The following ARHGAP26 variants were observed in gnomAD, a reference collection of about 807,000 sequenced individuals.
ARHGAP26 encodes the protein Rho GTPase activating protein 26.
A neutral mutation model predicts 104.8 loss-of-function variants in ARHGAP26; 38 were observed. The observed-to-expected ratio is 0.36, with a 90% CI of 0.28 to 0.48. The LOEUF is 0.48. Among genes scored for constraint, ARHGAP26 ranks in the 20% least tolerant of loss-of-function variants. The pLI is 0.99. For synonymous variants in ARHGAP26, 341 were observed against 340.0 expected (o/e 1.00, Z -0.03); for missense variants, 704 against 947.9 (o/e 0.74, Z 3.38).
chr5:143,139,211 A>C (rs1348052949), intron 19 of ARHGAP26, among the ~76,000 whole-genome samples: 1 of 152,210 alleles, frequency 6.6e-6, no homozygotes, highest in Non-Finnish European at 1.5e-5. Context: ...ATAACAATAA[A>C]AATAAAAATA....
chr5:142,941,074 CAAAAA>C (rs1162903888), intron 11 of ARHGAP26, among the ~76,000 whole-genome samples: 2 of 27,244 alleles, frequency 7.3e-5, no homozygotes, highest in African/African-American at 1.6e-4. Context: ...GACTCCATCT[CAAAAA>C]AAAAAAAAAA....
chr5:142,923,914 T>C (rs1393609311), intron 10 of ARHGAP26, among the ~76,000 whole-genome samples: 1 of 137,656 alleles, frequency 7.3e-6, no homozygotes, highest in Non-Finnish European at 1.5e-5. Context: ...CAGGCTGGAG[T>C]GCAGTGGCGC....
At chr5:142,940,152 T>G (rs1394328039) in intron 11 of ARHGAP26, among the ~76,000 whole-genome samples, 1 of 152,222 alleles carries the variant, frequency 6.6e-6, no homozygotes, top group East Asian at 1.9e-4. Flanking sequence ...TCCTGCTGTA[T>G]GCTAACCTCA....
intron 12 of ARHGAP26, among the ~76,000 whole-genome samples, chr5:143,016,363 C>T (rs1554197165): frequency 1.3e-4 from 20 of 152,320 alleles, no homozygotes; most frequent in Non-Finnish European, 1.5e-5. Flanking sequence ...ATTCTTCAGT[C>T]ATTACCCTTT....
At chr5:143,213,943 G>C in intron 21 of ARHGAP26, 54 bp from the exon 22 acceptor site, 1 of 1,181,454 alleles carries the variant, frequency 8.5e-7, no homozygotes, top group African/African-American at 1.5e-5. Context: ...GAAATGTCTG[G>C]GGCTTTCTAA....
intron 17 of ARHGAP26, among the ~76,000 whole-genome samples, chr5:143,092,940 A>G (rs191742868): frequency 4.3e-4 from 65 of 152,200 alleles, no homozygotes; most frequent in Admixed American, 1.6e-3. Flanking sequence ...TTTTCCCTCA[A>G]TCACCGGGGA....
At chr5:142,941,367 A>G (rs1185973603) in intron 11 of ARHGAP26, among the ~76,000 whole-genome samples, 1 of 152,112 alleles carries the variant, frequency 6.6e-6, no homozygotes, top group Non-Finnish European at 1.5e-5. Flanking sequence ...GATCAGTGAT[A>G]TTGTGAACTT....
chr5:142,928,436 T>G (rs1425261242), intron 10 of ARHGAP26, among the ~76,000 whole-genome samples: 1 of 152,166 alleles, frequency 6.6e-6, no homozygotes, highest in Non-Finnish European at 1.5e-5. Flanking sequence ...ACAGAGCTCT[T>G]TATCATTCAA....
At position 142,815,586 on chromosome 5, in the gene ARHGAP26, GT is replaced by G. The variant is rs1436702095; in HGVS notation, c.154+44672del. ...ATTCACTGCACACATTTATTGAGAT[GT>G]CCCTGCCACCTTCTAGCACCTTCCC... On this transcript the variant is annotated intron_variant, in intron 1 of 22. Transcript: ENST00000645722. Among the ~76,000 whole-genome samples the G allele has an allele frequency of 5.9e-5, 9 of 152,278 alleles. No individual in the cohort carries two copies. The East Asian group carries it at 1.7e-3, about 29-fold the overall frequency.
At chr5:142,898,630 CTCTT>C (rs1759837237) in intron 6 of ARHGAP26, among the ~76,000 whole-genome samples, 1 of 152,346 alleles carries the variant, frequency 6.6e-6, no homozygotes, top group South Asian at 2.1e-4. Context: ...CTCTCTCTCT[CTCTT>C]TTGCCAAGAA....
intron 1 of ARHGAP26, among the ~76,000 whole-genome samples, chr5:142,848,267 C>T (rs1772417727): frequency 6.6e-6 from 1 of 152,192 alleles, no homozygotes; most frequent in South Asian, 2.1e-4. Flanking sequence ...GACAGTGAAT[C>T]TGATACTCTC....
At chr5:143,214,127 G>T in intron 22 of ARHGAP26, 39 bp downstream of exon 22, 2 of 312,704 alleles carry the variant, frequency 6.4e-6, no homozygotes. Context: ...TGGGCGGGGG[G>T]CGGGGGCAAG....
intron 20 of ARHGAP26, among the ~76,000 whole-genome samples, chr5:143,163,492 C>A (rs2151079871): frequency 6.6e-6 from 1 of 151,676 alleles, no homozygotes; most frequent in East Asian, 1.9e-4. Flanking sequence ...GCTCTGTTGC[C>A]CAGGCTCGAG....
chr5:142,858,506 A>G (rs953381169), intron 1 of ARHGAP26, among the ~76,000 whole-genome samples: 3 of 152,186 alleles, frequency 2.0e-5, no homozygotes, highest in African/African-American at 4.8e-5. Context: ...GGGACTTAAC[A>G]TTCCCTTTTT....
chr5:142,922,183 A>G (rs2152506950), intron 10 of ARHGAP26: 1 of 152,342 alleles, frequency 6.6e-6, no homozygotes, highest in East Asian at 1.9e-4. Flanking sequence ...TATTAATTTT[A>G]AATTAAAATA....
intron 12 of ARHGAP26, among the ~76,000 whole-genome samples, chr5:143,023,332 T>C (rs1780599057): frequency 6.6e-6 from 1 of 152,210 alleles, no homozygotes; most frequent in Non-Finnish European, 1.5e-5. Context: ...CCTCTGACTG[T>C]ACATTTCCTT....
intron 4 of ARHGAP26, among the ~76,000 whole-genome samples, chr5:142,884,267 A>G (rs1483461097): frequency 6.6e-6 from 1 of 152,164 alleles, no homozygotes; most frequent in Non-Finnish European, 1.5e-5. Context: ...CTAGGCTCCA[A>G]TCCCAGCTCT....
chr5:142,912,640 A>C (rs373948429), intron 9 of ARHGAP26, among the ~76,000 whole-genome samples: 92 of 152,336 alleles, frequency 6.0e-4, no homozygotes, highest in African/African-American at 2.1e-3. Flanking sequence ...AGGAGACAAA[A>C]GTAAGCAAAA....
intron 12 of ARHGAP26, among the ~76,000 whole-genome samples, chr5:143,018,338 C>T (rs1039061861): frequency 1.3e-5 from 2 of 152,184 alleles, no homozygotes; most frequent in African/African-American, 4.8e-5. Flanking sequence ...TCCTTCAAAG[C>T]CCTTTTATAT....
Sources: gnomAD v4.1 joint callset for allele counts (sites outside exome capture counted in the v4.1 genomes callset) on GRCh38, gnomAD v4.1.1 for gene constraint, MANE v1.5 for transcripts, NCBI Gene and HGNC (gene_info 2026-07-23, HGNC 2026-07-21) for gene names.